CDH23: variants seen among roughly 807,000 people sequenced by gnomAD.
CDH23 encodes cadherin related 23, also known as cadherin-23.
CDH23 carries 189 observed loss-of-function variants against 317.1 expected under a neutral mutation model. The ratio of observed to expected loss-of-function variants is 0.60; its 90% CI spans 0.53 to 0.67. The LOEUF is 0.67. CDH23 is among the 30% of genes least tolerant of loss of function. CDH23 has a pLI of 0.00. For missense variants in CDH23, 4,401 were observed against 4,592.4 expected (o/e 0.96, Z 1.20); for synonymous variants, 1,839 against 1,876.8 (o/e 0.98, Z 0.52).
chr10:71,463,535 C>G (rs1398992067), intron 3 of CDH23, among the ~76,000 whole-genome samples: 1 of 152,198 alleles, frequency 6.6e-6, no homozygotes, highest in Admixed American at 6.5e-5. Context: ...TCTCTGGGTC[C>G]CCACAGCGCT....
chr10:71,798,623 C>T, intron 50 of CDH23, 45 bp downstream of exon 50: 2 of 1,459,006 alleles, frequency 1.4e-6, no homozygotes, highest in Non-Finnish European at 1.9e-6. Context: ...ACATATATCT[C>T]TGCTTGCTTA....
chr10:71,687,090 C>T (rs962608858), intron 18 of CDH23, among the ~76,000 whole-genome samples: 19 of 152,114 alleles, frequency 1.2e-4, no homozygotes, highest in Admixed American at 3.9e-4. Flanking sequence ...CTGGAAGAGC[C>T]GTTGTTCTCA....
intron 6 of CDH23, among the ~76,000 whole-genome samples, chr10:71,560,183 G>A (rs990916943): frequency 5.3e-5 from 8 of 152,152 alleles, no homozygotes; most frequent in Middle Eastern, 3.2e-3. Context: ...TAGGAGAGGC[G>A]CCTGCTTTAG....
Position 71,403,396 on chromosome 10 carries a change from TTTC to T in CDH23, c.-6+6081_-6+6083del, listed in dbSNP as rs1374631740. Reference sequence around the variant, plus strand: ...CTTTCTTTCTTTCTTTCTTTCTTTCTTTCTTTCTTTCTCTTCCTTCCTTCCTTC... The same window carrying T: ...CTTTCTTTCTTTCTTTCTTTCTTTCTTTTCTTTCTCTTCCTTCCTTCCTTC... On this transcript the variant is annotated intron_variant, in intron 1 of 69. Transcript: ENST00000224721. Among the ~76,000 whole-genome samples the T allele has an allele frequency of 2.9e-4, 28 of 97,406 alleles. 2 individuals are homozygous for T. Among genetic ancestry groups the T allele is most frequent in the African/African-American group, 1.3e-3 (26 of 20,512 alleles). The allele number at this position is 97,406 out of a possible 152,430, so 63.9% of individuals were successfully genotyped here.
chr10:71,495,971 A>G (rs1464067187), intron 3 of CDH23, among the ~76,000 whole-genome samples: 1 of 152,222 alleles, frequency 6.6e-6, no homozygotes, highest in Non-Finnish European at 1.5e-5. Flanking sequence ...TTAGAAATGC[A>G]TATTCAGAAC....
intron 6 of CDH23, chr10:71,511,855 G>A (rs1020193002): frequency 2.6e-5 from 4 of 154,812 alleles, no homozygotes; most frequent in African/African-American, 9.7e-5. Flanking sequence ...TCTCCTGGGT[G>A]GCTGATGGCA....
At chr10:71,546,136 C>T (rs1856266276) in intron 6 of CDH23, among the ~76,000 whole-genome samples, 1 of 152,088 alleles carries the variant, frequency 6.6e-6, no homozygotes, top group South Asian at 2.1e-4. Flanking sequence ...TTTTCCAGCT[C>T]ATATCCCCTC....
chr10:71,773,667 G>T (rs1204103797), intron 38 of CDH23, among the ~76,000 whole-genome samples: 1 of 152,216 alleles, frequency 6.6e-6, no homozygotes, highest in Non-Finnish European at 1.5e-5. Flanking sequence ...CGGCCCCGTG[G>T]GTGGGGAGCC....
chr10:71,541,188 C>T (rs190105959), intron 6 of CDH23, among the ~76,000 whole-genome samples: 3 of 152,260 alleles, frequency 2.0e-5, no homozygotes, highest in East Asian at 1.9e-4. Context: ...TCCTCTGGGG[C>T]GGTATTGATT....
At chr10:71,725,300 C>G in intron 29 of CDH23, 72 bp from the exon 30 acceptor site, 1 of 1,607,108 alleles carries the variant, frequency 6.2e-7, no homozygotes, top group South Asian at 1.1e-5. Context: ...CTGCCCCCAA[C>G]CATGGCAGGC....
At chr10:71,567,924 C>T (rs1419023750) in intron 7 of CDH23, among the ~76,000 whole-genome samples, 1 of 152,248 alleles carries the variant, frequency 6.6e-6, no homozygotes, top group Non-Finnish European at 1.5e-5. Flanking sequence ...TGACACTCAG[C>T]ATCCACTCCT....
intron 1 of CDH23, among the ~76,000 whole-genome samples, chr10:71,405,450 T>G (rs1848052701): frequency 6.6e-6 from 1 of 151,182 alleles, no homozygotes; most frequent in African/African-American, 2.4e-5. Context: ...TTTTTTTTTT[T>G]TGAGACAGTG....
chr10:71,752,123 C>A, intron 38 of CDH23: 3 of 630,584 alleles, frequency 4.8e-6, no homozygotes, highest in Non-Finnish European at 8.6e-6. Flanking sequence ...CCATCAACCC[C>A]GGGCACAGCC....
At chr10:71,430,659 T>C (rs758836041) in intron 1 of CDH23, among the ~76,000 whole-genome samples, 6 of 151,964 alleles carry the variant, frequency 3.9e-5, no homozygotes, top group Non-Finnish European at 8.8e-5. Context: ...AATACAAAAA[T>C]GTTAGCCTGG....
At chr10:71,403,014 C>T (rs113899370) in intron 1 of CDH23, among the ~76,000 whole-genome samples, 5,990 of 151,952 alleles carry the variant, frequency 0.039, 148 homozygotes, top group African/African-American at 0.058. Flanking sequence ...CCCAGCTACT[C>T]GGGAGGCTGA....
chr10:71,773,398 C>A, intron 38 of CDH23: 2 of 1,609,828 alleles, frequency 1.2e-6, no homozygotes, highest in Non-Finnish European at 1.7e-6. Context: ...GCAGGGATCC[C>A]CAGCGCCAGC....
intron 1 of CDH23, among the ~76,000 whole-genome samples, chr10:71,437,244 T>C (rs1849662246): frequency 6.6e-6 from 1 of 152,102 alleles, no homozygotes; most frequent in African/African-American, 2.4e-5. Flanking sequence ...ACACTCTGGG[T>C]TGTATTTAAT....
chr10:71,781,287 G>A (rs1252408090), intron 41 of CDH23, among the ~76,000 whole-genome samples: 1 of 152,216 alleles, frequency 6.6e-6, no homozygotes, highest in Non-Finnish European at 1.5e-5. Context: ...CAGAGCTTAT[G>A]AGGGGTCACT....
At chr10:71,710,385 C>G (rs1308704045) in intron 27 of CDH23, among the ~76,000 whole-genome samples, 4 of 152,236 alleles carry the variant, frequency 2.6e-5, no homozygotes, top group Non-Finnish European at 5.9e-5. Context: ...AGTCACATGC[C>G]CATCCTGGGC....
Sources: allele counts gnomAD v4.1 joint callset (sites outside exome capture counted in the v4.1 genomes callset), GRCh38; gene constraint gnomAD v4.1.1; transcripts MANE v1.5; gene names NCBI Gene and HGNC (gene_info 2026-07-23, HGNC 2026-07-21).